Variants in MACROD2 observed in about 807,000 individuals in gnomAD.
MACROD2 encodes mono-ADP ribosylhydrolase 2, also known as ADP-ribose glycohydrolase MACROD2.
MACROD2 carries 36 observed loss-of-function variants against 70.4 expected under a neutral mutation model. That is an observed-to-expected ratio of 0.51 (90% CI 0.39 to 0.68). The LOEUF (loss-of-function observed/expected upper bound fraction) is 0.68. Among genes scored for constraint, MACROD2 ranks in the 30% least tolerant of loss-of-function variants. MACROD2 has a pLI of 0.00. For synonymous variants in MACROD2, 172 were observed against 178.8 expected (o/e 0.96, Z 0.30); for missense variants, 496 against 538.4 (o/e 0.92, Z 0.78).
chr20:15,823,598 C>T (rs1235387375), intron 8 of MACROD2, among the ~76,000 whole-genome samples: 1 of 152,176 alleles, frequency 6.6e-6, no homozygotes, highest in African/African-American at 2.4e-5. Context: ...GCGGTCATCA[C>T]GGCGTTCGTA....
chr20:14,898,547 T>C (rs2073857788), intron 5 of MACROD2, among the ~76,000 whole-genome samples: 1 of 152,064 alleles, frequency 6.6e-6, no homozygotes, highest in African/African-American at 2.4e-5. Flanking sequence ...GCCAACATGG[T>C]GAAACCCCGT....
At chr20:14,486,992 C>A (rs2084743160) in intron 3 of MACROD2, among the ~76,000 whole-genome samples, 1 of 152,196 alleles carries the variant, frequency 6.6e-6, no homozygotes, top group South Asian at 2.1e-4. Context: ...GTTCCTCACC[C>A]TCTTCTGTAC....
intron 5 of MACROD2, among the ~76,000 whole-genome samples, chr20:14,954,212 C>A (rs1439443341): frequency 6.6e-6 from 1 of 151,808 alleles, no homozygotes; most frequent in Non-Finnish European, 1.5e-5. Flanking sequence ...TCTTCATAAT[C>A]CCTTTGGGTG....
intron 4 of MACROD2, among the ~76,000 whole-genome samples, chr20:14,554,692 A>G (rs994671066): frequency 1.1e-4 from 16 of 152,148 alleles, no homozygotes; most frequent in Non-Finnish European, 4.4e-5. Flanking sequence ...GATATGTATG[A>G]GAGAATCTTT....
In MACROD2 at chr20:15,539,966, C is replaced by T. The variant is rs915281203; in HGVS notation, c.645+40119C>T. On this transcript the variant is annotated intron_variant, in intron 8 of 17. Transcript: ENST00000684519. ...TCGTGCCACTGCACTCCAGCCTGGGCGACAGAGCGAGACTCCATCTCAAAA... is the reference window on the plus strand; with the variant it reads ...TCGTGCCACTGCACTCCAGCCTGGGTGACAGAGCGAGACTCCATCTCAAAA... Among the ~76,000 whole-genome samples the T allele has an allele frequency of 1.8e-4, 27 of 152,132 alleles. 1 individual carries two copies. Among genetic ancestry groups the T allele is most frequent in the African/African-American group, 5.6e-4 (23 of 41,418 alleles).
At chr20:15,399,996 A>G (rs62203488) in intron 6 of MACROD2, among the ~76,000 whole-genome samples, 4,571 of 152,306 alleles carry the variant, frequency 0.03, 115 homozygotes, top group Middle Eastern at 0.048. Context: ...TTCAGGGACC[A>G]GCAGCAATGA....
At chr20:15,779,849 G>A (rs1449926481) in intron 8 of MACROD2, among the ~76,000 whole-genome samples, 1 of 152,060 alleles carries the variant, frequency 6.6e-6, no homozygotes, top group Non-Finnish European at 1.5e-5. Flanking sequence ...GTTCCACGTG[G>A]GGCGAAAAGA....
At chr20:14,038,448 C>T (rs900616362) in intron 2 of MACROD2, among the ~76,000 whole-genome samples, 4 of 152,178 alleles carry the variant, frequency 2.6e-5, no homozygotes, top group Admixed American at 6.6e-5. Flanking sequence ...GAAACTGAGG[C>T]ACAGAGAAGT....
chr20:15,771,618 T>A (rs1463712108), intron 8 of MACROD2, among the ~76,000 whole-genome samples: 3 of 152,010 alleles, frequency 2.0e-5, no homozygotes, highest in African/African-American at 2.4e-5. Flanking sequence ...TGTATGCATA[T>A]GTATGTATGT....
intron 3 of MACROD2, among the ~76,000 whole-genome samples, chr20:14,231,710 G>A (rs1160743636): frequency 3.3e-5 from 5 of 152,124 alleles, no homozygotes; most frequent in South Asian, 2.1e-4. Flanking sequence ...CTGAGGAATC[G>A]CCACACTGAC....
chr20:14,507,088 G>A (rs2084977280), intron 4 of MACROD2, among the ~76,000 whole-genome samples: 1 of 152,148 alleles, frequency 6.6e-6, no homozygotes, highest in African/African-American at 2.4e-5. Flanking sequence ...TCAAAAAGTA[G>A]AATGGTGATT....
At chr20:15,319,429 C>A (rs2077849519) in intron 6 of MACROD2, among the ~76,000 whole-genome samples, 1 of 152,110 alleles carries the variant, frequency 6.6e-6, no homozygotes, top group Non-Finnish European at 1.5e-5. Flanking sequence ...TTCCAATTGT[C>A]CTTTTTTGCA....
rs79770906 is a variant in MACROD2 at position 15,499,364 on chromosome 20, C to T, written c.572-410C>T. Among the ~76,000 whole-genome samples the T allele has an allele frequency of 3.8e-3, 571 of 152,086 alleles. 5 individuals are homozygous for T. The highest frequency in any genetic ancestry group is 0.013 in the African/African-American group (535 of 41,466). On this transcript the variant is annotated intron_variant, in intron 7 of 17. Transcript: ENST00000684519. ...CTGGCCTTGTGACTGGCAGAACTGACCCTGGACTAACTGCATGTTTTCTCT... is the reference window on the plus strand; with the variant it reads ...CTGGCCTTGTGACTGGCAGAACTGATCCTGGACTAACTGCATGTTTTCTCT...
chr20:14,050,377 C>T (rs1331002824), intron 2 of MACROD2, among the ~76,000 whole-genome samples: 1 of 152,168 alleles, frequency 6.6e-6, no homozygotes, highest in Admixed American at 6.5e-5. Context: ...TTTTGGCAGT[C>T]TTGGGGGTTC....
chr20:14,496,153 C>T (rs534119951), intron 4 of MACROD2, among the ~76,000 whole-genome samples: 248 of 152,172 alleles, frequency 1.6e-3, no homozygotes, highest in African/African-American at 5.7e-3. Flanking sequence ...TAATAAGAAG[C>T]GATTGAATTG....
intron 5 of MACROD2, among the ~76,000 whole-genome samples, chr20:14,818,253 G>A (rs980071413): frequency 1.3e-5 from 2 of 152,070 alleles, no homozygotes; most frequent in African/African-American, 2.4e-5. Context: ...GCAGTGAAGA[G>A]CCACGGAAAA....
Position 14,170,170 on chromosome 20 carries a change from G to A in MACROD2, c.271+84442G>A, listed in dbSNP as rs914547870. ...GCCTCCCAAAGTGCCGGGATTGCAG[G>A]TGTGAGCCACCACACCCGGCCAACA... On this transcript the variant is annotated intron_variant, in intron 3 of 17. Coordinates refer to ENST00000684519, the MANE Select transcript of MACROD2 (RefSeq NM_001351661.2). Among the ~76,000 whole-genome samples the A allele has an allele frequency of 2.0e-5, 3 of 152,168 alleles. No individual in the cohort carries two copies. In the South Asian group the frequency reaches 6.2e-4, roughly 31 times the overall value.
intron 5 of MACROD2, among the ~76,000 whole-genome samples, chr20:14,739,747 A>C (rs1185283846): frequency 6.6e-6 from 1 of 152,076 alleles, no homozygotes; most frequent in Non-Finnish European, 1.5e-5. Context: ...TATATACATT[A>C]CACTGTTTTT....
chr20:14,182,541 A>G (rs1485104565), intron 3 of MACROD2, among the ~76,000 whole-genome samples: 1 of 152,018 alleles, frequency 6.6e-6, no homozygotes, highest in African/African-American at 2.4e-5. Flanking sequence ...TATATAAGAA[A>G]CTATTGCCTA....
Sources: allele counts gnomAD v4.1 joint callset (sites outside exome capture counted in the v4.1 genomes callset), GRCh38; gene constraint gnomAD v4.1.1; transcripts MANE v1.5; gene names NCBI Gene and HGNC (gene_info 2026-07-23, HGNC 2026-07-21).